The following ABCA4 variants were observed in gnomAD, a reference collection of about 807,000 sequenced individuals.
ABCA4 encodes the protein retinal-specific phospholipid-transporting ATPase ABCA4.
A neutral mutation model predicts 263.7 loss-of-function variants in ABCA4; 196 were observed. The observed-to-expected ratio is 0.74, with a 90% CI of 0.66 to 0.84. ABCA4 has a LOEUF of 0.84. ABCA4 is among the 40% of genes least tolerant of loss of function. The pLI is 0.00. For synonymous variants in ABCA4, 1,133 were observed against 1,094.2 expected (o/e 1.04, Z -0.70); for missense variants, 2,792 against 2,855.1 (o/e 0.98, Z 0.50).
At position 94,038,805 on chromosome 1, in the gene ABCA4, T is replaced by G. The variant is rs9661266; in HGVS notation, c.3607+1238A>C. Among the ~76,000 whole-genome samples, 1,105 of 152,004 alleles carry G rather than the reference T, an allele frequency of 7.3e-3. 14 individuals carry two copies. The highest frequency in any genetic ancestry group is 0.025 in the African/African-American group (1,038 of 41,440). On this transcript the variant is annotated intron_variant, in intron 24 of 49. Coordinates refer to ENST00000370225, the MANE Select transcript of ABCA4 (RefSeq NM_000350.3). The stretch of plus-strand genomic sequence containing the variant: ...GGCATCTGGGAGGGAGGTCTGTGAG[T>G]GTGTGTGTGGTATGTGGGTGTGTTT...
chr1:94,011,323 C>T lies in ABCA4; in HGVS notation c.5523G>A (p.Leu1841=), dbSNP rs373677567. ...GTGCAAGGTCAATGAGGCCCCGGCC[C>T]AGGCAGAAGTGGGGGAAGACAATGA... ...KLLIVFPHFC[L]GRGLIDLALS... The change falls in exon 39 of 50, where the codon CTG becomes CTA. Residue 1841 remains leucine (L), a synonymous_variant. Coordinates refer to ENST00000370225, the MANE Select transcript of ABCA4 (RefSeq NM_000350.3). The T allele has an allele frequency of 5.6e-6, 9 of 1,614,032 alleles. No homozygotes were observed. The highest frequency in any genetic ancestry group is 7.6e-6 in the Non-Finnish European group (9 of 1,180,048).
At chr1:94,020,617 C>A (rs1179250159) in intron 35 of ABCA4, among the ~76,000 whole-genome samples, 2 of 152,178 alleles carry the variant, frequency 1.3e-5, no homozygotes, top group Non-Finnish European at 2.9e-5. Flanking sequence ...TAGTGGATGA[C>A]CCTGGGCATG....
intron 11 of ABCA4, among the ~76,000 whole-genome samples, chr1:94,065,636 A>G (rs1191232): frequency 0.65 from 99,181 of 152,122 alleles, 32,599 homozygotes; most frequent in East Asian, 0.85. Context: ...CCCTGGGGGC[A>G]GGTCCCATGT....
chr1:94,020,956 T>C (rs898591154), intron 35 of ABCA4, among the ~76,000 whole-genome samples: 2 of 152,240 alleles, frequency 1.3e-5, no homozygotes, highest in Admixed American at 1.3e-4. Context: ...ATAGCAAAGA[T>C]AATAATTGTA....
At chr1:94,060,860 G>T in intron 13 of ABCA4, 101 bp from the exon 14 acceptor site, 1 of 1,003,670 alleles carries the variant, frequency 1.0e-6, no homozygotes, top group Non-Finnish European at 1.5e-6. Flanking sequence ...AAGCCCAGAT[G>T]GAGGGAAAGG....
rs189491663 is a variant in ABCA4, at chr1:94,092,359, C to T, written c.768+6435G>A. ...GAGCTACAGGAAACCCACATTTATC[C>T]GGGAGGGAAGTTGTTGCTAGGCAAC... On this transcript the variant is annotated intron_variant, in intron 6 of 49. Coordinates refer to ENST00000370225, the MANE Select transcript of ABCA4 (RefSeq NM_000350.3). Among the ~76,000 whole-genome samples the T allele has an allele frequency of 1.0e-3, 152 of 152,218 alleles. 1 individual carries two copies. Among genetic ancestry groups the T allele is most frequent in the African/African-American group, 3.5e-3 (146 of 41,556 alleles).
At chr1:94,049,177 G>A (rs763312859) in intron 17 of ABCA4, among the ~76,000 whole-genome samples, 4 of 152,150 alleles carry the variant, frequency 2.6e-5, no homozygotes, top group African/African-American at 4.8e-5. Flanking sequence ...TCCTCTCAAT[G>A]TGCCATGAGG....
At chr1:94,037,773 G>T (rs960855580) in intron 24 of ABCA4, among the ~76,000 whole-genome samples, 1 of 152,194 alleles carries the variant, frequency 6.6e-6, no homozygotes, top group East Asian at 1.9e-4. Flanking sequence ...TTGAGGACTG[G>T]ATGAGTCAAA....
intron 6 of ABCA4, among the ~76,000 whole-genome samples, chr1:94,083,731 A>G (rs913483867): frequency 6.6e-6 from 1 of 152,202 alleles, no homozygotes; most frequent in Admixed American, 6.5e-5. Context: ...TGTTTTAGTG[A>G]CACCAAACAA....
intron 18 of ABCA4, 138 bp downstream of exon 18, chr1:94,048,730 G>T (rs2101059545): frequency 1.2e-6 from 1 of 810,936 alleles, no homozygotes. Flanking sequence ...GAAGGGATCT[G>T]GTTTAACACT....
chr1:94,001,569 G>T, intron 45 of ABCA4: 1 of 601,062 alleles, frequency 1.7e-6, no homozygotes. Flanking sequence ...CCGACAGGCC[G>T]CAGAGTGGGC....
chr1:94,120,198 A>G (rs1364679627), intron 1 of ABCA4, among the ~76,000 whole-genome samples: 1 of 152,176 alleles, frequency 6.6e-6, no homozygotes, highest in East Asian at 1.9e-4. Flanking sequence ...CTCATGGACT[A>G]TTCCACCTAT....
rs1267958966 is a variant in ABCA4 at position 94,073,357 on chromosome 1, C to T, written c.1554+4333G>A. Among the ~76,000 whole-genome samples the T allele has an allele frequency of 2.6e-5, 4 of 152,196 alleles. 1 individual carries two copies. In the South Asian group the frequency reaches 6.2e-4, roughly 24 times the overall value. On this transcript the variant is annotated intron_variant, in intron 11 of 49. Coordinates refer to ENST00000370225, the MANE Select transcript of ABCA4 (RefSeq NM_000350.3). ...TCATACCCCTCTGCTCAGAGGCCCT[C>T]GTGAAGTCCTGGCGGCCCCGGAGGA...
Position 94,062,741 on chromosome 1 carries a change from A to T in ABCA4, c.1773T>A (p.Ser591=), listed in dbSNP as rs779659025. 41 of 1,613,874 alleles carry T rather than the reference A, an allele frequency of 2.5e-5. No homozygotes were observed. The highest frequency in any genetic ancestry group is 3.4e-5 in the Non-Finnish European group (40 of 1,179,984). The change falls in exon 13 of 50, where the codon TCT becomes TCA. Residue 591 remains serine, a synonymous_variant. Transcript: ENST00000370225. The stretch of plus-strand genomic sequence containing the variant: ...CTTCCACGGGATCAGCTCTGGGACC[A>T]GAATCCCAATACCTGAGAAGACACA... ...TNKIKDRYWD[S]GPRADPVEDF...
At position 94,041,545 on chromosome 1, in the gene ABCA4, A is replaced by G. The variant is rs941561146; in HGVS notation, c.3329-143T>C. 6 of 788,266 alleles carry G rather than the reference A, an allele frequency of 7.6e-6. 1 individual carries two copies. In the East Asian group the frequency reaches 8.0e-5, roughly 11 times the overall value. The allele number at this position is 788,266 out of a possible 1,614,324, so 48.8% of individuals were successfully genotyped here. A position where few individuals can be genotyped will look rare whatever the true frequency, so the allele number is the denominator to read the frequency against. On this transcript the variant is annotated intron_variant, in intron 22 of 49. Transcript: ENST00000370225. ...AAAAACCCAAGGGAACTAATTCAGC[A>G]GCAAATTCCAGCATATTAGGACAAT... is the stretch of plus-strand genomic sequence containing the variant.
chr1:94,072,806 T>C (rs1046138656), intron 11 of ABCA4, among the ~76,000 whole-genome samples: 5 of 152,192 alleles, frequency 3.3e-5, no homozygotes, highest in African/African-American at 1.2e-4. Flanking sequence ...CTGCCTGCCT[T>C]CTAACTGGGC....
chr1:94,055,036 T>C, intron 16 of ABCA4, 75 bp downstream of exon 16: 1 of 1,409,382 alleles, frequency 7.1e-7, no homozygotes, highest in Non-Finnish European at 1.0e-6. Flanking sequence ...GAAATGAAAT[T>C]TAAACTAGAT....
chr1:94,057,217 T>A (rs939196368), intron 14 of ABCA4, among the ~76,000 whole-genome samples: 1 of 152,204 alleles, frequency 6.6e-6, no homozygotes, highest in Non-Finnish European at 1.5e-5. Context: ...TCCCTACCCC[T>A]CAGTGGGGCC....
intron 6 of ABCA4, among the ~76,000 whole-genome samples, chr1:94,089,970 A>G (rs1661928553): frequency 6.6e-6 from 1 of 152,226 alleles, no homozygotes; most frequent in Non-Finnish European, 1.5e-5. Context: ...AGCTCAGGGC[A>G]CAAGGTAGGA....
Sources: gnomAD v4.1 joint callset for allele counts (sites outside exome capture counted in the v4.1 genomes callset) on GRCh38, gnomAD v4.1.1 for gene constraint, MANE v1.5 for transcripts, NCBI Gene and HGNC (gene_info 2026-07-23, HGNC 2026-07-21) for gene names.